Variants in NID1 observed in about 807,000 individuals in gnomAD.
NID1 encodes the protein nidogen 1.
Under a neutral mutation model 130.6 loss-of-function variants are expected in NID1, and 76 were observed. The observed-to-expected ratio is 0.58, with a 90% CI of 0.48 to 0.70. The LOEUF is 0.70. NID1 is among the 30% of genes least tolerant of loss of function. The pLI is 0.00. For synonymous variants in NID1, 665 were observed against 675.1 expected, an observed-to-expected ratio of 0.98 and a Z score of 0.23; for missense variants, 1,517 against 1,664.8, an observed-to-expected ratio of 0.91 and a Z score of 1.54.
At chr1:236,009,579 G>C (rs529996931) in intron 12 of NID1, among the ~76,000 whole-genome samples, 14 of 152,202 alleles carry the variant, frequency 9.2e-5, no homozygotes, top group Non-Finnish European at 1.9e-4. Flanking sequence ...ACACATGTAG[G>C]TATATTTTCA....
At chr1:236,015,450 C>T (rs558264583) in intron 10 of NID1, among the ~76,000 whole-genome samples, 6 of 152,114 alleles carry the variant, frequency 3.9e-5, no homozygotes, top group Admixed American at 6.6e-5. Flanking sequence ...AGTTCAAGAC[C>T]AGCCTGGCCA....
At chr1:236,003,345 A>G (rs1208705725) in intron 12 of NID1, among the ~76,000 whole-genome samples, 1 of 152,220 alleles carries the variant, frequency 6.6e-6, no homozygotes, top group Non-Finnish European at 1.5e-5. Context: ...ATGCTTAAGA[A>G]ATATTTAACT....
At chr1:236,042,926 G>T (rs1013471156) in intron 3 of NID1, among the ~76,000 whole-genome samples, 1 of 152,198 alleles carries the variant, frequency 6.6e-6, no homozygotes, top group Non-Finnish European at 1.5e-5. Context: ...CCTCCAGGGA[G>T]GGGAGATGGG....
intron 12 of NID1, 136 bp from the exon 13 acceptor site, chr1:235,994,008 G>C (rs1014221299): frequency 3.0e-5 from 21 of 695,288 alleles, no homozygotes; most frequent in African/African-American, 2.7e-4. Context: ...TGTTTCATCA[G>C]TTATTCAAAA....
chr1:236,064,969 G>A lies in NID1; in HGVS notation c.111C>T (p.Phe37=), dbSNP rs369453434. 1.9e-6 allele frequency: 3 copies of A among 1,590,718 alleles called. No homozygotes were observed. The highest frequency in any genetic ancestry group is 2.6e-6 in the Non-Finnish European group (3 of 1,169,268). ...GCLSRQELFP[F]GPGQGDLELE... ...GCTCCAGGTCCCCCTGTCCGGGGCCGAAGGGAAAGAGCTCCTGGCGGCTCA... is the reference window on the plus strand; with the variant it reads ...GCTCCAGGTCCCCCTGTCCGGGGCCAAAGGGAAAGAGCTCCTGGCGGCTCA... Residue 37 remains phenylalanine, a synonymous_variant, in exon 1 of 20, where the codon TTC becomes TTT. Transcript: ENST00000264187.
chr1:236,053,841 G>T (rs1334527269), intron 1 of NID1, among the ~76,000 whole-genome samples: 3 of 152,234 alleles, frequency 2.0e-5, no homozygotes, highest in African/African-American at 7.2e-5. Context: ...AATAAGGCCT[G>T]AGGGTGAGCT....
At chr1:236,035,205 C>T (rs1659220187) in intron 5 of NID1, among the ~76,000 whole-genome samples, 1 of 112,658 alleles carries the variant, frequency 8.9e-6, no homozygotes, top group African/African-American at 3.7e-5. Flanking sequence ...CATGTGATCT[C>T]ATTGTTCAAT....
intron 8 of NID1, 147 bp from the exon 9 acceptor site, chr1:236,024,360 T>C: frequency 1.0e-6 from 1 of 955,460 alleles, no homozygotes; most frequent in Non-Finnish European, 1.5e-6. Flanking sequence ...ATTCCTGTGT[T>C]GCCCTGGGGC....
At chr1:236,025,866 C>A (rs1658914105) in intron 8 of NID1, 30 bp downstream of exon 8, 2 of 1,606,982 alleles carry the variant, frequency 1.2e-6, no homozygotes, top group Non-Finnish European at 1.7e-6. Context: ...GCATGAGCAC[C>A]TGTGCCCAGC....
intron 12 of NID1, among the ~76,000 whole-genome samples, chr1:236,008,333 C>T (rs1186642299): frequency 6.6e-6 from 1 of 152,166 alleles, no homozygotes; most frequent in African/African-American, 2.4e-5. Context: ...TCTTCACTGG[C>T]TCACCTTCAA....
intron 13 of NID1, among the ~76,000 whole-genome samples, chr1:235,991,356 G>A (rs956787611): frequency 6.6e-5 from 10 of 151,026 alleles, no homozygotes; most frequent in South Asian, 4.2e-4. Flanking sequence ...TTTTTGAGAC[G>A]GAGTCTTGCT....
rs1657352004 is a variant in NID1, at chr1:235,979,005, C to T, written c.3612G>A (p.Gln1204=). Residue 1204 remains glutamine, a synonymous_variant, in exon 19 of 20, where the codon CAG becomes CAA. Transcript: ENST00000264187. The surrounding 1 kb of genome is among the most constrained non-coding windows in gnomAD (Gnocchi z 4.6). ...RLYGITTALS[Q]CPQGHNYCSV... ...GCACAGGAGAGTTACCTTGCGGACA[C>T]TGAGACAGGGCCGTGGTGATGCCAT... The T allele has an allele frequency of 6.2e-7, 1 of 1,612,740 alleles. No individual in the cohort carries two copies.
chr1:236,030,214 G>A (rs372104089), intron 6 of NID1, among the ~76,000 whole-genome samples: 1 of 152,198 alleles, frequency 6.6e-6, no homozygotes, highest in South Asian at 2.1e-4. Context: ...TGGGTGAGTT[G>A]CTCGTGGCAA....
chr1:236,055,669 GA>G (rs143216004), intron 1 of NID1, among the ~76,000 whole-genome samples: 7 of 145,692 alleles, frequency 4.8e-5, no homozygotes, highest in African/African-American at 1.8e-4. Flanking sequence ...AATAAAAATA[GA>G]AAAAAAAAAC....
intron 13 of NID1, among the ~76,000 whole-genome samples, chr1:235,991,342 C>CT (rs1211068138): frequency 2.1e-4 from 32 of 152,050 alleles, no homozygotes; most frequent in African/African-American, 6.3e-4. Flanking sequence ...TGGCCTCCCT[C>CT]TTTTTTTTGA....
Position 235,992,378 on chromosome 1 carries a change from C to T in NID1, c.2755+1267G>A, listed in dbSNP as rs146182279. Among the ~76,000 whole-genome samples the T allele has an allele frequency of 3.4e-4, 52 of 152,310 alleles. No individual in the cohort carries two copies. The East Asian group carries it at 9.8e-3, about 29-fold the overall frequency. On this transcript the variant is annotated intron_variant, in intron 13 of 19. Coordinates refer to ENST00000264187, the MANE Select transcript of NID1 (RefSeq NM_002508.3). ...CCTCCCCCCGCCAGGGACTGTCAAG[C>T]CTGCCTCTCAGCTTCTACCCCCACA...
At chr1:235,978,517 A>G (rs1657339152) in intron 19 of NID1, among the ~76,000 whole-genome samples, 1 of 152,256 alleles carries the variant, frequency 6.6e-6, no homozygotes. Context: ...ACATAATAAT[A>G]GTACCTACCT....
chr1:236,047,428 G>A (rs570461565), intron 2 of NID1, among the ~76,000 whole-genome samples: 22 of 151,932 alleles, frequency 1.4e-4, no homozygotes, highest in South Asian at 4.2e-4. Flanking sequence ...AGGGAAAATC[G>A]AGGCCTGTCC....
At chr1:236,017,033 CT>C in intron 10 of NID1, 114 bp downstream of exon 10, 1 of 1,390,110 alleles carries the variant, frequency 7.2e-7, no homozygotes. Flanking sequence ...ATAAATTGCT[CT>C]TCCCAGCACC....
Sources: allele counts gnomAD v4.1 joint callset (sites outside exome capture counted in the v4.1 genomes callset), GRCh38; gene constraint gnomAD v4.1.1; non-coding constraint Gnocchi (gnomAD v3.1); transcripts MANE v1.5; gene names NCBI Gene and HGNC (gene_info 2026-07-23, HGNC 2026-07-21).